OSBPL6: variants seen among roughly 807,000 people sequenced by gnomAD.
The protein encoded by OSBPL6 is oxysterol-binding protein-related protein 6.
Under a neutral mutation model 125.8 loss-of-function variants are expected in OSBPL6, and 49 were observed. The observed-to-expected ratio is 0.39, with a 90% CI of 0.31 to 0.49. The LOEUF is 0.49. Ranked by LOEUF, OSBPL6 falls within the 20% of genes least tolerant of loss-of-function variation. The pLI, the probability that OSBPL6 is intolerant of heterozygous loss-of-function variation, is 0.88. For synonymous variants in OSBPL6, 394 were observed against 391.8 expected, an observed-to-expected ratio of 1.01 and a Z score of -0.07; for missense variants, 986 against 1,135.4, an observed-to-expected ratio of 0.87 and a Z score of 1.89.
At chr2:178,319,395 G>T (rs1326539090) in intron 3 of OSBPL6, among the ~76,000 whole-genome samples, 1 of 152,084 alleles carries the variant, frequency 6.6e-6, no homozygotes, top group African/African-American at 2.4e-5. Context: ...GGTAAAGAAT[G>T]CTTTGTGATA....
intron 1 of OSBPL6, among the ~76,000 whole-genome samples, chr2:178,266,011 A>G (rs1174567932): frequency 6.6e-6 from 1 of 152,214 alleles, no homozygotes. Flanking sequence ...ATCAGAGAAT[A>G]CTTCCCCAGG....
intron 5 of OSBPL6, among the ~76,000 whole-genome samples, chr2:178,330,827 GA>G (rs1377609620): frequency 6.6e-6 from 1 of 152,132 alleles, no homozygotes; most frequent in Non-Finnish European, 1.5e-5. Flanking sequence ...GCCCGTGGAA[GA>G]AAAATCAACA....
At chr2:178,310,813 TC>T (rs1248959024) in intron 3 of OSBPL6, among the ~76,000 whole-genome samples, 1 of 152,104 alleles carries the variant, frequency 6.6e-6, no homozygotes, top group Non-Finnish European at 1.5e-5. Context: ...TGGTGAGAAA[TC>T]CAGGAATCCA....
At chr2:178,264,760 C>T (rs1184730145) in intron 1 of OSBPL6, among the ~76,000 whole-genome samples, 1 of 152,148 alleles carries the variant, frequency 6.6e-6, no homozygotes, top group East Asian at 1.9e-4. Context: ...CAGTGTGGCA[C>T]AGTGACTTTT....
At chr2:178,240,349 T>C (rs900513607) in intron 1 of OSBPL6, among the ~76,000 whole-genome samples, 9 of 152,186 alleles carry the variant, frequency 5.9e-5, no homozygotes, top group African/African-American at 1.7e-4. Flanking sequence ...GGTGGATTAC[T>C]TAAGGGTCAG....
chr2:178,241,764 G>T (rs988920696), intron 1 of OSBPL6, among the ~76,000 whole-genome samples: 5 of 152,090 alleles, frequency 3.3e-5, no homozygotes, highest in Non-Finnish European at 2.9e-5. Flanking sequence ...TAAAATAATT[G>T]CCTTGGACAA....
In OSBPL6 at chr2:178,353,987, T is replaced by G. The variant is rs182682938; in HGVS notation, c.1153+4598T>G. ...CCCAGAATTTCATATCCAGCCAAACTAAGCTTCATAAGAAAGAGAAATAAA... is the reference window on the plus strand; with the variant it reads ...CCCAGAATTTCATATCCAGCCAAACGAAGCTTCATAAGAAAGAGAAATAAA... On this transcript the variant is annotated intron_variant, in intron 12 of 24. Transcript: ENST00000190611. Among the ~76,000 whole-genome samples the G allele has an allele frequency of 3.3e-5, 5 of 152,320 alleles. No homozygotes were observed. The East Asian group carries it at 9.6e-4, about 29-fold the overall frequency.
At chr2:178,316,389 T>TA (rs566360252) in intron 3 of OSBPL6, among the ~76,000 whole-genome samples, 21 of 152,286 alleles carry the variant, frequency 1.4e-4, no homozygotes, top group African/African-American at 4.3e-4. Flanking sequence ...TTTATAGTGG[T>TA]AAAAAAATTA....
At chr2:178,208,306 GA>G (rs1194194661) in intron 1 of OSBPL6, among the ~76,000 whole-genome samples, 1 of 148,214 alleles carries the variant, frequency 6.7e-6, no homozygotes, top group African/African-American at 2.5e-5. Flanking sequence ...AAAAGAAAAA[GA>G]AAGAAAGAAA....
intron 19 of OSBPL6, among the ~76,000 whole-genome samples, chr2:178,386,752 G>A (rs7572243): frequency 0.025 from 3,745 of 149,808 alleles, 158 homozygotes; most frequent in African/African-American, 0.087. Flanking sequence ...CACACACACC[G>A]CACACACACT....
At chr2:178,393,675 G>A (rs1695602885) in intron 23 of OSBPL6, among the ~76,000 whole-genome samples, 1 of 152,186 alleles carries the variant, frequency 6.6e-6, no homozygotes, top group Admixed American at 6.5e-5. Flanking sequence ...ATTTTGAAAT[G>A]TAAGCATTTG....
Position 178,383,182 on chromosome 2 carries a change from G to A in OSBPL6, c.1780G>A (p.Glu594Lys). ...SKVSMPVELN[E>K]PLNTLQHLCE... ...AGTCTCTATGCCTGTGGAGCTAAACGAGCCGCTCAACACCCTGCAGCACCT... is the reference window on the plus strand; with the variant it reads ...AGTCTCTATGCCTGTGGAGCTAAACAAGCCGCTCAACACCCTGCAGCACCT... The change falls in exon 17 of 25, where the codon GAG (glutamate) becomes AAG (lysine). Residue 594 changes from glutamate (E) to lysine (K), a missense_variant. Coordinates refer to ENST00000190611, the MANE Select transcript of OSBPL6 (RefSeq NM_032523.4). 1.9e-6 allele frequency: 3 copies of A among 1,614,112 alleles called. No homozygotes were observed. The highest frequency in any genetic ancestry group is 1.1e-5 in the South Asian group (1 of 91,080).
At chr2:178,329,170 A>G (rs1688967765) in intron 5 of OSBPL6, among the ~76,000 whole-genome samples, 1 of 152,164 alleles carries the variant, frequency 6.6e-6, no homozygotes, top group African/African-American at 2.4e-5. Flanking sequence ...TCCTAGAATT[A>G]TTGTTACCAG....
At chr2:178,388,419 G>A (rs1399748153) in intron 20 of OSBPL6, among the ~76,000 whole-genome samples, 1 of 152,082 alleles carries the variant, frequency 6.6e-6, no homozygotes, top group Non-Finnish European at 1.5e-5. Context: ...AGACTCCTTG[G>A]TACGTCCCTG....
At chr2:178,205,234 A>C (rs1180211536) in intron 1 of OSBPL6, among the ~76,000 whole-genome samples, 1 of 152,222 alleles carries the variant, frequency 6.6e-6, no homozygotes, top group East Asian at 1.9e-4. Flanking sequence ...AAAGAGGTTG[A>C]AGTGACAGCT....
intron 11 of OSBPL6, among the ~76,000 whole-genome samples, chr2:178,346,058 G>T (rs1381920908): frequency 6.6e-6 from 1 of 151,840 alleles, no homozygotes; most frequent in African/African-American, 2.4e-5. Flanking sequence ...GAATAACTAG[G>T]GGGACTGGCT....
chr2:178,267,284 G>A, intron 1 of OSBPL6, among the ~76,000 whole-genome samples: 1 of 151,034 alleles, frequency 6.6e-6, no homozygotes, highest in East Asian at 1.9e-4. Context: ...AACCCAGGAG[G>A]CGGAGGTTGC....
intron 13 of OSBPL6, among the ~76,000 whole-genome samples, chr2:178,368,815 T>TTC (rs1693102798): frequency 6.6e-6 from 1 of 151,958 alleles, no homozygotes; most frequent in Admixed American, 6.6e-5. Context: ...TTTTTTTTTT[T>TTC]TGAGACACAG....
chr2:178,353,695 C>T (rs1691502955), intron 12 of OSBPL6, among the ~76,000 whole-genome samples: 1 of 152,092 alleles, frequency 6.6e-6, no homozygotes, highest in East Asian at 1.9e-4. Context: ...CAGAACTTCC[C>T]CAACCTAGCA....
Sources: gnomAD v4.1 joint callset for allele counts (sites outside exome capture counted in the v4.1 genomes callset) on GRCh38, gnomAD v4.1.1 for gene constraint, MANE v1.5 for transcripts, NCBI Gene and HGNC (gene_info 2026-07-23, HGNC 2026-07-21) for gene names.